The following TMEM62 variants were observed in gnomAD, a reference collection of about 807,000 sequenced individuals.
The protein encoded by TMEM62 is transmembrane protein 62.
In TMEM62, 41 loss-of-function variants were observed where a neutral mutation model predicts 70.4. The observed-to-expected ratio is 0.58, with a 90% CI of 0.45 to 0.76. The LOEUF is 0.76. TMEM62 is among the 30% of genes least tolerant of loss of function. The probability of loss-of-function intolerance (pLI) is 0.00; values close to 1 mark genes in which losing one functional copy is unlikely to be tolerated. For synonymous variants in TMEM62, 268 were observed against 291.0 expected, an observed-to-expected ratio of 0.92 and a Z score of 0.80; for missense variants, 688 against 788.5, an observed-to-expected ratio of 0.87 and a Z score of 1.53.
At chr15:43,156,328 G>A (rs1203964071) in intron 9 of TMEM62, among the ~76,000 whole-genome samples, 1 of 152,162 alleles carries the variant, frequency 6.6e-6, no homozygotes, top group Non-Finnish European at 1.5e-5. Context: ...TTTGTAAATG[G>A]AGAAACTTGT....
chr15:43,153,755 G>A (rs1169581210), intron 8 of TMEM62, among the ~76,000 whole-genome samples: 2 of 152,056 alleles, frequency 1.3e-5, no homozygotes, highest in Admixed American at 1.3e-4. Context: ...ATGGACACTT[G>A]GGTTGCTTCT....
Position 43,185,058 on chromosome 15 carries a change from T to C in TMEM62, c.*472T>C, listed in dbSNP as rs1440162660. 4.1e-6 allele frequency: 1 copy of C among 242,526 alleles called. No individual in the cohort carries two copies. The highest frequency in any genetic ancestry group is 8.1e-6 in the Non-Finnish European group (1 of 123,180). 15.0% of individuals were successfully genotyped at this position (242,526 alleles called of 1,614,324 possible). A position where few individuals can be genotyped will look rare whatever the true frequency, so the allele number is the denominator to read the frequency against. On this transcript the variant is annotated 3_prime_UTR_variant, in exon 14 of 14. Coordinates refer to ENST00000260403, the MANE Select transcript of TMEM62 (RefSeq NM_024956.4). The stretch of plus-strand genomic sequence containing the variant: ...CCTGAGATATTAGTTCCCAGGCCTG[T>C]TTTCCCACAGGATTGTGGGCTCTCT...
Position 43,133,874 on chromosome 15 carries a change from G to C in TMEM62, c.72G>C (p.Glu24Asp). Reference sequence around the variant, plus strand: ...CAGCGCTGGTGGCCATGCTCTTGGAGCACTACGGCCTGGCGGGCCAGCCCT... The same window carrying C: ...CAGCGCTGGTGGCCATGCTCTTGGACCACTACGGCCTGGCGGGCCAGCCCT... ...AAAALVAMLLEHYGLAGQPSP... is the reference protein window; with the variant it reads ...AAAALVAMLLDHYGLAGQPSP... The change falls in exon 1 of 14, where the codon GAG becomes GAC. Residue 24 changes from glutamate to aspartate, a missense_variant. Physicochemically the swap from Glu to Asp is conservative, Grantham distance 45. Transcript: ENST00000260403. The C allele has an allele frequency of 6.7e-7, 1 of 1,499,846 alleles. No homozygotes were observed. 92.9% of individuals were successfully genotyped at this position (1,499,846 alleles called of 1,614,324 possible).
chr15:43,144,482 A>G (rs1355358920), intron 4 of TMEM62, among the ~76,000 whole-genome samples: 1 of 152,266 alleles, frequency 6.6e-6, no homozygotes. Flanking sequence ...CACAATAAAA[A>G]AGGAAAAAGA....
At chr15:43,139,153 A>G (rs1262534335) in intron 4 of TMEM62, among the ~76,000 whole-genome samples, 1 of 152,162 alleles carries the variant, frequency 6.6e-6, no homozygotes, top group African/African-American at 2.4e-5. Context: ...CAATATTTCA[A>G]ACTTTTTCAT....
chr15:43,181,705 T>C (rs1243354989), intron 13 of TMEM62, among the ~76,000 whole-genome samples: 1 of 152,232 alleles, frequency 6.6e-6, no homozygotes, highest in Non-Finnish European at 1.5e-5. Context: ...TTTCACCATG[T>C]TGGCCAGGCT....
At chr15:43,134,919 C>G (rs188334221) in intron 2 of TMEM62, among the ~76,000 whole-genome samples, 1 of 152,264 alleles carries the variant, frequency 6.6e-6, no homozygotes, top group Admixed American at 6.5e-5. Flanking sequence ...GAGCATCTAT[C>G]TATCTTGCTT....
rs867831767 is a variant in TMEM62 at position 43,166,888 on chromosome 15, T to G, written c.1297-2705T>G. ...AGATCAACAGGATCCCAAGGCAGAA[T>G]AATTTTTCTTAGTACAGAACAAAAT... On this transcript the variant is annotated intron_variant, in intron 10 of 13. Transcript: ENST00000260403. Among the ~76,000 whole-genome samples, 27 of 152,322 alleles carry G rather than the reference T, an allele frequency of 1.8e-4. 1 individual carries two copies. In the South Asian group the frequency reaches 4.4e-3, roughly 25 times the overall value.
rs1202441866 is a variant in TMEM62, at chr15:43,181,225, T to A, written c.1531T>A (p.Cys511Ser). ...GEIIDGKFGC[C>S]FSFGIFVNGH... ...AATCATTGATGGCAAATTTGGTTGCTGCTTTTCCTTTGGGATATTTGTTAA... is the reference window on the plus strand; with the variant it reads ...AATCATTGATGGCAAATTTGGTTGCAGCTTTTCCTTTGGGATATTTGTTAA... Residue 511 changes from cysteine (C) to serine (S), a missense_variant, in exon 13 of 14, where the codon TGC becomes AGC. Physicochemically the swap from Cys to Ser is moderately radical, Grantham distance 112. Coordinates refer to ENST00000260403, the MANE Select transcript of TMEM62 (RefSeq NM_024956.4). 6.2e-7 allele frequency: 1 copy of A among 1,613,954 alleles called. No homozygotes were observed. The highest frequency in any genetic ancestry group is 8.5e-7 in the Non-Finnish European group (1 of 1,179,998).
In TMEM62 at chr15:43,133,615, G is replaced by T; in HGVS notation, c.-188G>T. 1 of 391,206 alleles carries T rather than the reference G, an allele frequency of 2.6e-6. No individual in the cohort carries two copies. The allele number at this position is 391,206 out of a possible 1,614,324, so 24.2% of individuals were successfully genotyped here. On this transcript the variant is annotated 5_prime_UTR_variant, in exon 1 of 14. Coordinates refer to ENST00000260403, the MANE Select transcript of TMEM62 (RefSeq NM_024956.4). The stretch of plus-strand genomic sequence containing the variant: ...GCGCGGCCAGAGAGGGGCAGGTGCT[G>T]GGCGGCGGCTGACGGGCGCAGCACC...
chr15:43,173,705 A>C (rs747023291), intron 11 of TMEM62, among the ~76,000 whole-genome samples: 8 of 152,154 alleles, frequency 5.3e-5, no homozygotes, highest in Non-Finnish European at 1.0e-4. Context: ...CAGCCATTCC[A>C]GGTCATAATG....
chr15:43,135,544 T>C lies in TMEM62; in HGVS notation c.325T>C (p.Leu109=), dbSNP rs149209207. 8 of 1,610,318 alleles carry C rather than the reference T, an allele frequency of 5.0e-6. No homozygotes were observed. Among genetic ancestry groups the C allele is most frequent in the Middle Eastern group, 3.3e-4 (2 of 6,054 alleles). The stretch of plus-strand genomic sequence containing the variant: ...GACAGATGCCAAAACAAAGGAACAG[T>C]TGGGATCCAGGCAGCATGAGGTAGA... ...DLTDAKTKEQ[L]GSRQHEVEWQ... is the part of the protein sequence containing the mutation. Residue 109 remains leucine, a synonymous_variant, in exon 3 of 14, where the codon TTG becomes CTG. Transcript: ENST00000260403.
intron 13 of TMEM62, among the ~76,000 whole-genome samples, chr15:43,183,862 AC>A (rs2041626541): frequency 6.6e-6 from 1 of 152,190 alleles, no homozygotes; most frequent in Non-Finnish European, 1.5e-5. Flanking sequence ...TTATCATGCT[AC>A]CTCAAACAAA....
At chr15:43,160,942 T>C (rs1473854371) in intron 10 of TMEM62, 148 bp downstream of exon 10, 4 of 406,102 alleles carry the variant, frequency 9.8e-6, no homozygotes, top group Non-Finnish European at 1.7e-5. Context: ...TAATAAGATA[T>C]TTTGAGAGAC....
At chr15:43,151,144 G>C (rs1017877903) in intron 7 of TMEM62, among the ~76,000 whole-genome samples, 1 of 152,004 alleles carries the variant, frequency 6.6e-6, no homozygotes, top group African/African-American at 2.4e-5. Flanking sequence ...TCAGGAGTTC[G>C]AGACCAGCCT....
chr15:43,149,131 A>C lies in TMEM62; in HGVS notation c.846A>C (p.Gly282=), dbSNP rs1340910693. The C allele has an allele frequency of 1.4e-5, 23 of 1,614,104 alleles. No individual in the cohort carries two copies. Among genetic ancestry groups the C allele is most frequent in the Non-Finnish European group, 1.7e-5 (20 of 1,180,016 alleles). The change falls in exon 7 of 14, where the codon GGA becomes GGC. Residue 282 remains glycine (G), a synonymous_variant. Coordinates refer to ENST00000260403, the MANE Select transcript of TMEM62 (RefSeq NM_024956.4). ...HFQGTLELEV[G]DWKDNRRYRI... ...AGGGCACTTTGGAACTTGAGGTGGG[A>C]GACTGGAAGGATAATAGGAGGTAAG...
intron 11 of TMEM62, among the ~76,000 whole-genome samples, chr15:43,170,259 C>G (rs2040044265): frequency 6.6e-6 from 1 of 152,118 alleles, no homozygotes; most frequent in African/African-American, 2.4e-5. Context: ...GGGAGTATGA[C>G]AAGGTGTGTC....
intron 11 of TMEM62, among the ~76,000 whole-genome samples, chr15:43,170,521 G>A (rs964888768): frequency 1.3e-5 from 2 of 152,088 alleles, no homozygotes; most frequent in African/African-American, 2.4e-5. Flanking sequence ...AATGCAGAAA[G>A]TTCTGTGGCT....
chr15:43,142,351 G>T (rs1009252792), intron 4 of TMEM62, among the ~76,000 whole-genome samples: 1 of 151,860 alleles, frequency 6.6e-6, no homozygotes, highest in Non-Finnish European at 1.5e-5. Context: ...TTTTAGTAGA[G>T]ACAGGGTTTC....
Sources: allele counts gnomAD v4.1 joint callset (sites outside exome capture counted in the v4.1 genomes callset), GRCh38; gene constraint gnomAD v4.1.1; transcripts MANE v1.5; gene names NCBI Gene and HGNC (gene_info 2026-07-23, HGNC 2026-07-21).